Variants in SFT2D1 observed in about 807,000 individuals in gnomAD.
The protein encoded by SFT2D1 is vesicle transport protein SFT2A.
In SFT2D1, 24 loss-of-function variants were observed where a neutral mutation model predicts 28.1. The observed-to-expected ratio is 0.85, with a 90% CI of 0.62 to 1.20. SFT2D1 has a LOEUF of 1.20. SFT2D1 is among the 50% of genes most tolerant of loss of function. The pLI is 0.00. For synonymous variants in SFT2D1, 82 were observed against 73.7 expected (o/e 1.11, Z -0.58); for missense variants, 181 against 190.9 (o/e 0.95, Z 0.31).
At chr6:166,324,706 T>C (rs899707838) in intron 5 of SFT2D1, 111 bp from the exon 6 acceptor site, 10 of 959,358 alleles carry the variant, frequency 1.0e-5, no homozygotes, top group Non-Finnish European at 1.4e-5. Flanking sequence ...TTCATTTATC[T>C]TTATTAAATT....
At chr6:166,341,420 G>A (rs1778779009) in intron 1 of SFT2D1, among the ~76,000 whole-genome samples, 1 of 147,542 alleles carries the variant, frequency 6.8e-6, no homozygotes, top group Non-Finnish European at 1.5e-5. Context: ...CTGCACTCCA[G>A]GCCTGAGCGA....
chr6:166,340,714 A>ATACT (rs35422204), intron 1 of SFT2D1, among the ~76,000 whole-genome samples: 36,912 of 152,074 alleles, frequency 0.24, 4,654 homozygotes, highest in East Asian at 0.34. Context: ...GACACATTAT[A>ATACT]TACTTGTTTA....
intron 7 of SFT2D1, among the ~76,000 whole-genome samples, chr6:166,322,529 A>G (rs987912435): frequency 1.4e-4 from 22 of 151,852 alleles, no homozygotes; most frequent in Non-Finnish European, 3.1e-4. Context: ...GTCTCTACTA[A>G]AATACACAAA....
intron 1 of SFT2D1, among the ~76,000 whole-genome samples, chr6:166,333,797 C>G (rs1327179367): frequency 6.6e-6 from 1 of 152,172 alleles, no homozygotes; most frequent in Non-Finnish European, 1.5e-5. Flanking sequence ...CACTTCAAAC[C>G]TCCACTTCCT....
At position 166,326,096 on chromosome 6, in the gene SFT2D1, A is replaced by G. The variant is rs115430040; in HGVS notation, c.351+36T>C. On this transcript the variant is annotated intron_variant, in intron 5 of 7. Coordinates refer to ENST00000361731, the MANE Select transcript of SFT2D1 (RefSeq NM_145169.3). ...ACGTCAGCTGGGGTGGGGGGCACAC[A>G]GTTAACTGAAAGCCAGTAGGGCTGA... 3.1e-3 allele frequency: 4,946 copies of G among 1,602,168 alleles called. 124 individuals are homozygous for G. In the African/African-American group the frequency reaches 0.058, roughly 19 times the overall value.
chr6:166,321,550 C>T (rs1200417009), intron 7 of SFT2D1, among the ~76,000 whole-genome samples: 1 of 152,082 alleles, frequency 6.6e-6, no homozygotes, highest in East Asian at 1.9e-4. Flanking sequence ...TGCTTTTTCT[C>T]CTTGTAAGTA....
In SFT2D1 at chr6:166,320,102, A is replaced by C; in HGVS notation, c.*115T>G. 1.1e-6 allele frequency: 1 copy of C among 883,978 alleles called. No homozygotes were observed. Among genetic ancestry groups the C allele is most frequent in the Non-Finnish European group, 1.8e-6 (1 of 551,222 alleles). 54.8% of individuals were successfully genotyped at this position (883,978 alleles called of 1,614,324 possible). A position where few individuals can be genotyped will look rare whatever the true frequency, so the allele number is the denominator to read the frequency against. ...AGTATACAAAATGAGACTTAGTACA[A>C]AACGGTCTTCAACTGTCACGTCAGT... On this transcript the variant is annotated 3_prime_UTR_variant, in exon 8 of 8. Coordinates refer to ENST00000361731, the MANE Select transcript of SFT2D1 (RefSeq NM_145169.3).
chr6:166,325,225 A>G (rs148963095), intron 5 of SFT2D1, among the ~76,000 whole-genome samples: 2,152 of 152,310 alleles, frequency 0.014, 104 homozygotes, highest in Admixed American at 0.11. Context: ...TTAAGAAATG[A>G]CACGTAAATC....
chr6:166,326,898 T>C (rs1778454163), intron 4 of SFT2D1, among the ~76,000 whole-genome samples: 1 of 152,244 alleles, frequency 6.6e-6, no homozygotes, highest in South Asian at 2.1e-4. Flanking sequence ...CTTAGTGGAA[T>C]ATAAACTACT....
chr6:166,341,220 CG>C (rs1458767400), intron 1 of SFT2D1, among the ~76,000 whole-genome samples: 25 of 151,936 alleles, frequency 1.6e-4, no homozygotes, highest in Non-Finnish European at 3.1e-4. Context: ...TCAAGGTGGG[CG>C]GATCACTTGA....
At chr6:166,327,007 GA>G (rs1778457252) in intron 4 of SFT2D1, among the ~76,000 whole-genome samples, 1 of 152,048 alleles carries the variant, frequency 6.6e-6, no homozygotes, top group East Asian at 1.9e-4. Flanking sequence ...AAAATAATTG[GA>G]GATTATAAAA....
intron 1 of SFT2D1, among the ~76,000 whole-genome samples, chr6:166,334,370 G>A (rs1438020328): frequency 2.0e-5 from 3 of 152,222 alleles, no homozygotes; most frequent in Non-Finnish European, 4.4e-5. Context: ...TGAGGCAGGC[G>A]GATTGCTTGA....
intron 4 of SFT2D1, 63 bp from the exon 5 acceptor site, chr6:166,326,230 ATAAAC>A: frequency 7.1e-7 from 1 of 1,411,472 alleles, no homozygotes; most frequent in Non-Finnish European, 1.0e-6. Context: ...ATAAAAATGC[ATAAAC>A]TATTCTGCAT....
At chr6:166,321,464 TA>T (rs1024341451) in intron 7 of SFT2D1, among the ~76,000 whole-genome samples, 34 of 152,324 alleles carry the variant, frequency 2.2e-4, no homozygotes, top group African/African-American at 7.9e-4. Flanking sequence ...CTCCTTGCTC[TA>T]AAGTTCCTAT....
At chr6:166,336,313 C>A (rs1008127627) in intron 1 of SFT2D1, among the ~76,000 whole-genome samples, 4 of 152,156 alleles carry the variant, frequency 2.6e-5, no homozygotes, top group Non-Finnish European at 5.9e-5. Context: ...GGGGATCACC[C>A]AAGCAAAGTC....
intron 5 of SFT2D1, chr6:166,325,823 G>A: frequency 2.3e-6 from 1 of 427,224 alleles, no homozygotes. Context: ...GAGCATGTGT[G>A]CACATGTGTG....
chr6:166,325,263 T>TTATTTTG (rs1353751735), intron 5 of SFT2D1, among the ~76,000 whole-genome samples: 2 of 152,170 alleles, frequency 1.3e-5, no homozygotes, highest in Non-Finnish European at 2.9e-5. Flanking sequence ...GTCCTGTCCT[T>TTATTTTG]ACATCATCAA....
chr6:166,322,747 CAA>C (rs35147403), intron 7 of SFT2D1, 108 bp downstream of exon 7: 164 of 752,766 alleles, frequency 2.2e-4, no homozygotes, highest in African/African-American at 3.8e-4. Flanking sequence ...TAAAATCAAC[CAA>C]AAAAAAAGGG....
chr6:166,330,081 ACAT>A, intron 2 of SFT2D1, 77 bp downstream of exon 2: 1 of 1,086,920 alleles, frequency 9.2e-7, no homozygotes, highest in Non-Finnish European at 1.3e-6. Flanking sequence ...TTAGTAAAGG[ACAT>A]TAGTTTTTGG....
Sources: allele counts gnomAD v4.1 joint callset (sites outside exome capture counted in the v4.1 genomes callset), GRCh38; gene constraint gnomAD v4.1.1; transcripts MANE v1.5; gene names NCBI Gene and HGNC (gene_info 2026-07-23, HGNC 2026-07-21).